Variants in LARGE1 observed in about 807,000 individuals in gnomAD.
LARGE1 encodes the protein xylosyl- and glucuronyltransferase LARGE1.
A neutral mutation model predicts 87.6 loss-of-function variants in LARGE1; 43 were observed. That is an observed-to-expected ratio of 0.49 (90% CI 0.38 to 0.63). The LOEUF (loss-of-function observed/expected upper bound fraction) is 0.63, where lower values mean the gene tolerates loss of function less well. Ranked by LOEUF, LARGE1 falls within the 30% of genes least tolerant of loss-of-function variation. The pLI is 0.00. For synonymous variants in LARGE1, 434 were observed against 394.6 expected (o/e 1.10, Z -1.18); for missense variants, 802 against 1,000.2 (o/e 0.80, Z 2.67).
At chr22:33,474,893 G>A (rs116955252) in intron 6 of LARGE1, among the ~76,000 whole-genome samples, 7 of 152,274 alleles carry the variant, frequency 4.6e-5, no homozygotes, top group Non-Finnish European at 1.0e-4. Context: ...GTAATCTTGA[G>A]GCAATTTTGT....
At chr22:33,464,188 A>G (rs1214233134) in intron 6 of LARGE1, among the ~76,000 whole-genome samples, 1 of 152,188 alleles carries the variant, frequency 6.6e-6, no homozygotes, top group Non-Finnish European at 1.5e-5. Context: ...AAGGTAATGA[A>G]AAAAATCTTG....
chr22:33,639,534 A>T (rs1326677036), intron 3 of LARGE1, among the ~76,000 whole-genome samples: 1 of 152,236 alleles, frequency 6.6e-6, no homozygotes, highest in Non-Finnish European at 1.5e-5. Flanking sequence ...TCATCCTCAC[A>T]ATTGCACTGG....
chr22:33,597,403 C>A (rs1178567648), intron 5 of LARGE1, among the ~76,000 whole-genome samples: 2 of 151,244 alleles, frequency 1.3e-5, no homozygotes, highest in African/African-American at 4.9e-5. Flanking sequence ...CATAGCTTCC[C>A]AGGAAACAGA....
chr22:33,576,745 A>T (rs762878), intron 5 of LARGE1, among the ~76,000 whole-genome samples: 152,347 of 152,348 alleles, frequency 1, 76,173 homozygotes, highest in Middle Eastern at 1. Context: ...TGATGTAAAT[A>T]AGTGTAGTAT....
At chr22:33,706,039 C>T (rs1204136846) in intron 2 of LARGE1, among the ~76,000 whole-genome samples, 1 of 152,164 alleles carries the variant, frequency 6.6e-6, no homozygotes, top group African/African-American at 2.4e-5. Flanking sequence ...GATTTGAACA[C>T]AGGGCTGGCT....
intron 1 of LARGE1, among the ~76,000 whole-genome samples, chr22:33,853,851 G>A (rs1221656015): frequency 6.6e-6 from 1 of 152,176 alleles, no homozygotes; most frequent in Non-Finnish European, 1.5e-5. Flanking sequence ...AAGTATGCAA[G>A]CTCTTCCTTC....
At chr22:33,837,086 A>G (rs1417912092) in intron 1 of LARGE1, among the ~76,000 whole-genome samples, 1 of 152,232 alleles carries the variant, frequency 6.6e-6, no homozygotes, top group South Asian at 2.1e-4. Flanking sequence ...AGCTAACTCT[A>G]TAAGATCTGG....
rs115904209 is a variant in LARGE1 at position 33,808,037 on chromosome 22, G to A, written c.-82-46479C>T. On this transcript the variant is annotated intron_variant, in intron 1 of 14. Coordinates refer to ENST00000397394, the MANE Select transcript of LARGE1 (RefSeq NM_133642.5). ...TAAATACCAAGTTGTGAGATTCTGGGTTGTATGGTAAAAGTATGTTTAGTT... is the reference window on the plus strand; with the variant it reads ...TAAATACCAAGTTGTGAGATTCTGGATTGTATGGTAAAAGTATGTTTAGTT... Among the ~76,000 whole-genome samples the A allele has an allele frequency of 4.5e-3, 685 of 152,326 alleles. 3 individuals carry two copies. Among genetic ancestry groups the A allele is most frequent in the African/African-American group, 0.015 (630 of 41,576 alleles).
At chr22:33,235,332 C>T (rs1183366914) in intron 11 of LARGE1, among the ~76,000 whole-genome samples, 2 of 152,132 alleles carry the variant, frequency 1.3e-5, no homozygotes, top group Non-Finnish European at 2.9e-5. Context: ...GTTATACATT[C>T]GAGTGGTTAT....
chr22:33,265,777 C>T (rs1050214681), intron 11 of LARGE1, among the ~76,000 whole-genome samples: 2 of 152,188 alleles, frequency 1.3e-5, no homozygotes, highest in African/African-American at 2.4e-5. Flanking sequence ...ATGCCAGACA[C>T]GCTGTTAAGG....
chr22:33,120,042 GC>G, the LARGE1 span, among the ~76,000 whole-genome samples: 24,766 of 151,940 alleles, frequency 0.16, 2,600 homozygotes, highest in African/African-American at 0.29. Context: ...TCTTCATATG[GC>G]CACATGAGCA....
chr22:33,403,225 A>G (rs1222340485), intron 7 of LARGE1, among the ~76,000 whole-genome samples: 2 of 152,222 alleles, frequency 1.3e-5, no homozygotes, highest in Non-Finnish European at 2.9e-5. Context: ...GCCATACAGT[A>G]GGTCTACTCA....
At chr22:33,566,870 G>A (rs1170526316) in intron 5 of LARGE1, among the ~76,000 whole-genome samples, 1 of 152,038 alleles carries the variant, frequency 6.6e-6, no homozygotes, top group Non-Finnish European at 1.5e-5. Context: ...CAATCCTTTC[G>A]CTAGACATAA....
intron 4 of LARGE1, among the ~76,000 whole-genome samples, chr22:33,616,652 G>C (rs912327388): frequency 4.6e-5 from 7 of 152,072 alleles, no homozygotes; most frequent in African/African-American, 1.7e-4. Context: ...ATGAAGAACT[G>C]ATACATGCTA....
chr22:33,683,890 G>A (rs937107107), intron 2 of LARGE1, among the ~76,000 whole-genome samples: 2 of 152,112 alleles, frequency 1.3e-5, no homozygotes, highest in South Asian at 4.2e-4. Flanking sequence ...TACTAGAATG[G>A]AGCTGGGGGT....
intron 9 of LARGE1, among the ~76,000 whole-genome samples, chr22:33,348,985 C>A (rs527471992): frequency 6.6e-6 from 1 of 152,268 alleles, no homozygotes; most frequent in South Asian, 2.1e-4. Context: ...CTCTTGCCTG[C>A]CGCCATGTAA....
At chr22:33,292,618 GCTC>G (rs971311361) in intron 12 of LARGE1, among the ~76,000 whole-genome samples, 13 of 152,270 alleles carry the variant, frequency 8.5e-5, no homozygotes, top group African/African-American at 2.9e-4. Flanking sequence ...ACGCCTAGCT[GCTC>G]CTCAATTCCA....
At chr22:33,337,023 T>C (rs1569069860) in intron 10 of LARGE1, among the ~76,000 whole-genome samples, 1 of 147,514 alleles carries the variant, frequency 6.8e-6, no homozygotes, top group Admixed American at 6.8e-5. Flanking sequence ...ATCACGCCAC[T>C]GCACTCCAGC....
At chr22:33,243,223 C>T (rs949772820) in intron 11 of LARGE1, among the ~76,000 whole-genome samples, 10 of 152,146 alleles carry the variant, frequency 6.6e-5, no homozygotes, top group African/African-American at 2.4e-4. Context: ...AGCTTTATAT[C>T]AAAACATACT....
Sources: gnomAD v4.1 joint callset for allele counts (sites outside exome capture counted in the v4.1 genomes callset) on GRCh38, gnomAD v4.1.1 for gene constraint, MANE v1.5 for transcripts, NCBI Gene and HGNC (gene_info 2026-07-23, HGNC 2026-07-21) for gene names.